The following KCNT2 variants were observed in gnomAD, a reference collection of about 807,000 sequenced individuals.
KCNT2 encodes the protein potassium channel subfamily T member 2.
KCNT2 carries 67 observed loss-of-function variants against 153.8 expected under a neutral mutation model. The ratio of observed to expected loss-of-function variants is 0.44; its 90% confidence interval spans 0.36 to 0.53. The LOEUF is 0.53. Among genes scored for constraint, KCNT2 ranks in the 20% least tolerant of loss-of-function variants. The probability of loss-of-function intolerance (pLI) is 0.00; values close to 1 mark genes in which losing one functional copy is unlikely to be tolerated. For synonymous variants in KCNT2, 500 were observed against 458.8 expected (o/e 1.09, Z -1.15); for missense variants, 975 against 1,354.8 (o/e 0.72, Z 4.40).
chr1:196,489,790 C>T (rs779147977), intron 3 of KCNT2, 48 bp downstream of exon 3: 3 of 1,014,830 alleles, frequency 3.0e-6, no homozygotes, highest in African/African-American at 1.6e-5. Flanking sequence ...TGATACAACT[C>T]AAAATAATCA....
At chr1:196,336,120 T>G (rs1665004711) in intron 16 of KCNT2, among the ~76,000 whole-genome samples, 1 of 152,084 alleles carries the variant, frequency 6.6e-6, no homozygotes, top group Admixed American at 6.6e-5. Context: ...GCATCATTAA[T>G]AGTCTCTCCA....
At chr1:196,587,380 G>A (rs1249090629) in intron 1 of KCNT2, among the ~76,000 whole-genome samples, 2 of 151,964 alleles carry the variant, frequency 1.3e-5, no homozygotes, top group Non-Finnish European at 2.9e-5. Flanking sequence ...CTGGAAGAGG[G>A]ACCAAACTCA....
intron 14 of KCNT2, among the ~76,000 whole-genome samples, chr1:196,366,000 A>T (rs1280950567): frequency 6.6e-6 from 1 of 152,156 alleles, no homozygotes; most frequent in East Asian, 1.9e-4. Flanking sequence ...TATGGTCATG[A>T]CAGCCAAATT....
intron 27 of KCNT2, among the ~76,000 whole-genome samples, chr1:196,232,320 C>T (rs1014280038): frequency 1.3e-5 from 2 of 151,674 alleles, no homozygotes; most frequent in Non-Finnish European, 3.0e-5. Context: ...AAACAAACTT[C>T]CGAAAGTGAA....
intron 8 of KCNT2, among the ~76,000 whole-genome samples, chr1:196,463,709 A>G (rs1165414094): frequency 2.0e-5 from 3 of 151,824 alleles, no homozygotes; most frequent in Non-Finnish European, 4.4e-5. Flanking sequence ...GAAATTTCAT[A>G]TAAATAATGA....
At chr1:196,428,297 A>C in intron 9 of KCNT2, 28 bp from the exon 10 acceptor site, 1 of 1,536,650 alleles carries the variant, frequency 6.5e-7, no homozygotes, top group Non-Finnish European at 9.0e-7. Flanking sequence ...CATGTGAATG[A>C]AAAACACAGT....
At chr1:196,492,404 G>T (rs905815373) in intron 1 of KCNT2, 63 bp from the exon 2 acceptor site, 11 of 1,127,746 alleles carry the variant, frequency 9.8e-6, no homozygotes, top group East Asian at 3.6e-5. Context: ...TTTTCATGAA[G>T]ATCAACAAAT....
At chr1:196,401,529 G>T (rs1341022667) in intron 12 of KCNT2, among the ~76,000 whole-genome samples, 1 of 151,684 alleles carries the variant, frequency 6.6e-6, no homozygotes, top group Non-Finnish European at 1.5e-5. Context: ...AGATTAAAAA[G>T]CTGAAGTTTA....
At chr1:196,313,844 A>G (rs1394534435) in intron 21 of KCNT2, among the ~76,000 whole-genome samples, 1 of 151,580 alleles carries the variant, frequency 6.6e-6, no homozygotes, top group Admixed American at 6.6e-5. Context: ...TTCAGTCTAG[A>G]TTACTATATA....
rs901664014 is a variant in KCNT2, at chr1:196,322,960, A to C, written c.2277-3405T>G. 3.3e-5 allele frequency among the ~76,000 whole-genome samples: 5 copies of C among 151,922 alleles called. No homozygotes were observed. In the East Asian group the frequency reaches 7.7e-4, roughly 23 times the overall value. On this transcript the variant is annotated intron_variant, in intron 19 of 27. Coordinates refer to ENST00000294725, the MANE Select transcript of KCNT2 (RefSeq NM_198503.5). The stretch of plus-strand genomic sequence containing the variant: ...TCTTGATTGGCAGAAGAAAAAAATG[A>C]TGTTTCTTATCTTCCTTTTATGAAT...
chr1:196,266,181 A>G (rs1657521951), intron 25 of KCNT2, among the ~76,000 whole-genome samples: 1 of 152,178 alleles, frequency 6.6e-6, no homozygotes, highest in Non-Finnish European at 1.5e-5. Context: ...TTGTGCCTCT[A>G]CAACATAAGC....
At chr1:196,499,558 A>C (rs1258489260) in intron 1 of KCNT2, among the ~76,000 whole-genome samples, 1 of 152,192 alleles carries the variant, frequency 6.6e-6, no homozygotes, top group Non-Finnish European at 1.5e-5. Context: ...CTGAACTAAT[A>C]GTATGGTAGG....
intron 17 of KCNT2, among the ~76,000 whole-genome samples, chr1:196,331,741 T>A (rs1169224030): frequency 6.6e-6 from 1 of 152,064 alleles, no homozygotes; most frequent in South Asian, 2.1e-4. Flanking sequence ...TTTTAAAAAA[T>A]AAATAGTAAT....
chr1:196,451,217 C>CTTTTTTTTTTTTTTTTTTTTTT lies in KCNT2; in HGVS notation c.638+14054_638+14075dup, dbSNP rs561944079. Among the ~76,000 whole-genome samples, 19 of 63,560 alleles carry CTTTTTTTTTTTTTTTTTTTTTT rather than the reference C, an allele frequency of 3.0e-4. 1 individual carries two copies. The highest frequency in any genetic ancestry group is 8.2e-4 in the Admixed American group (3 of 3,640). The allele number at this position is 63,560 out of a possible 152,430, so 41.7% of individuals were successfully genotyped here. ...GCTATATCCCTCTTAATCCCTCTTT[C>CTTTTTTTTTTTTTTTTTTTTTT]TTTTTTTTTTTTTTTTTTTTTTTTT... On this transcript the variant is annotated intron_variant, in intron 8 of 27. Transcript: ENST00000294725.
chr1:196,365,054 T>C (rs1018718177), intron 14 of KCNT2, among the ~76,000 whole-genome samples: 3 of 152,108 alleles, frequency 2.0e-5, no homozygotes, highest in East Asian at 1.9e-4. Flanking sequence ...ATTCATATCA[T>C]AGACCAACTG....
At chr1:196,308,757 C>A (rs1379765472) in intron 21 of KCNT2, among the ~76,000 whole-genome samples, 1 of 151,818 alleles carries the variant, frequency 6.6e-6, no homozygotes, top group Non-Finnish European at 1.5e-5. Context: ...GCTTCCCCCA[C>A]CATTATAATA....
intron 1 of KCNT2, among the ~76,000 whole-genome samples, chr1:196,523,445 C>G (rs759367244): frequency 1.3e-5 from 2 of 152,004 alleles, no homozygotes; most frequent in Non-Finnish European, 2.9e-5. Flanking sequence ...AAAGTGTAGA[C>G]TGGTGACACC....
chr1:196,331,010 C>A, intron 18 of KCNT2, 146 bp downstream of exon 18: 1 of 568,864 alleles, frequency 1.8e-6, no homozygotes, highest in Non-Finnish European at 3.2e-6. Context: ...AAACTGACCA[C>A]TTTATATAAA....
intron 1 of KCNT2, among the ~76,000 whole-genome samples, chr1:196,607,530 TA>T (rs902744019): frequency 3.0e-4 from 46 of 151,192 alleles, no homozygotes; most frequent in African/African-American, 6.0e-4. Flanking sequence ...CTGTTTCAGT[TA>T]AAAAAATATA....
Sources: gnomAD v4.1 joint callset for allele counts (sites outside exome capture counted in the v4.1 genomes callset) on GRCh38, gnomAD v4.1.1 for gene constraint, MANE v1.5 for transcripts, NCBI Gene and HGNC (gene_info 2026-07-23, HGNC 2026-07-21) for gene names.